GFRA2: variants seen among roughly 807,000 people sequenced by gnomAD.
GFRA2 encodes the protein GDNF family receptor alpha 2.
Under a neutral mutation model 48.3 loss-of-function variants are expected in GFRA2, and 17 were observed. The observed-to-expected ratio is 0.35, with a 90% CI of 0.24 to 0.53. GFRA2 has a LOEUF of 0.53. Among genes scored for constraint, GFRA2 ranks in the 20% least tolerant of loss-of-function variants. The pLI is 0.93. For synonymous variants in GFRA2, 305 were observed against 257.2 expected (o/e 1.19, Z -1.78); for missense variants, 660 against 637.3 (o/e 1.04, Z -0.38).
intron 4 of GFRA2, among the ~76,000 whole-genome samples, chr8:21,736,563 A>T (rs1427014051): frequency 6.6e-6 from 1 of 152,024 alleles, no homozygotes; most frequent in Non-Finnish European, 1.5e-5. Flanking sequence ...TGGCAAGATC[A>T]TAGCTCACAG....
chr8:21,706,533 G>A, intron 4 of GFRA2: 1 of 430,572 alleles, frequency 2.3e-6, no homozygotes. Flanking sequence ...GAGGGTCAAG[G>A]AAGCCAGTGG....
intron 2 of GFRA2, among the ~76,000 whole-genome samples, chr8:21,775,996 TGTG>T (rs1806681153): frequency 1.4e-5 from 1 of 72,900 alleles, no homozygotes; most frequent in Non-Finnish European, 2.6e-5. Flanking sequence ...CCTCTGTGTG[TGTG>T]TGTGTGTGTG....
chr8:21,704,448 C>A (rs555841456), intron 6 of GFRA2, among the ~76,000 whole-genome samples: 4 of 152,148 alleles, frequency 2.6e-5, no homozygotes, highest in Admixed American at 6.5e-5. Flanking sequence ...GAGGGAGGAA[C>A]AGAAGGATGG....
chr8:21,788,459 G>C lies in GFRA2; in HGVS notation c.-300C>G. 8.8e-7 allele frequency: 1 copy of C among 1,135,436 alleles called. No individual in the cohort carries two copies. Among genetic ancestry groups the C allele is most frequent in the South Asian group, 3.7e-5 (1 of 27,028 alleles). The allele number at this position is 1,135,436 out of a possible 1,614,324, so 70.3% of individuals were successfully genotyped here. ...AGCCAACAGCCCAGTCCTGGGGTCA[G>C]CCCTCCCCTCCAATCGTCCGGGAAG... On this transcript the variant is annotated 5_prime_UTR_variant, in exon 1 of 9. Coordinates refer to ENST00000524240, the MANE Select transcript of GFRA2 (RefSeq NM_001495.5).
intron 4 of GFRA2, among the ~76,000 whole-genome samples, chr8:21,749,764 G>A (rs1215464015): frequency 1.3e-5 from 2 of 151,342 alleles, no homozygotes; most frequent in East Asian, 2.0e-4. Flanking sequence ...GGAGTCGGAC[G>A]GTCCTAGCTT....
chr8:21,737,867 C>G (rs567225965), intron 4 of GFRA2, among the ~76,000 whole-genome samples: 1 of 152,148 alleles, frequency 6.6e-6, no homozygotes, highest in African/African-American at 2.4e-5. Flanking sequence ...GTGGTTCACA[C>G]GGGTGAGCCC....
chr8:21,804,200 GCACACACACACACA>G (rs146613602), intron 2 of GFRA2, among the ~76,000 whole-genome samples: 2 of 145,048 alleles, frequency 1.4e-5, no homozygotes, highest in African/African-American at 2.5e-5. Context: ...ATACATACAT[GCACACACACACACA>G]CACACACACA....
intron 4 of GFRA2, among the ~76,000 whole-genome samples, chr8:21,731,935 G>C (rs1804216659): frequency 6.6e-6 from 1 of 152,240 alleles, no homozygotes; most frequent in African/African-American, 2.4e-5. Context: ...AGTTCACCCA[G>C]AGTCAAGAAT....
At chr8:21,762,543 G>A (rs1208875309) in intron 3 of GFRA2, among the ~76,000 whole-genome samples, 1 of 152,204 alleles carries the variant, frequency 6.6e-6, no homozygotes, top group Non-Finnish European at 1.5e-5. Flanking sequence ...ATTTTTGGAA[G>A]CAGGCTAACC....
chr8:21,691,994 C>T lies in GFRA2; in HGVS notation c.*1284G>A, dbSNP rs934247336. On this transcript the variant is annotated 3_prime_UTR_variant, in exon 9 of 9. Transcript: ENST00000524240. ...CCAAGAACAAAATGGGGGCAAAACC[C>T]CACGGGACCGAGGCAGAGGCAGCTT... 1 of 152,634 alleles carries T rather than the reference C, an allele frequency of 6.6e-6. No individual in the cohort carries two copies. The highest frequency in any genetic ancestry group is 2.4e-5 in the African/African-American group (1 of 41,444). 9.5% of individuals were successfully genotyped at this position (152,634 alleles called of 1,614,324 possible).
At position 21,693,767 on chromosome 8, in the gene GFRA2, G is replaced by GAGGAGA. The variant is rs1801993113; in HGVS notation, c.1273-373_1273-368dup. The stretch of plus-strand genomic sequence containing the variant: ...AAGAAGGAGGAGAGAAGAAGAAGGA[G>GAGGAGA]AGGAGAGAGGAAGGAGAGGGGAAGG... On this transcript the variant is annotated intron_variant, in intron 8 of 8. Coordinates refer to ENST00000524240, the MANE Select transcript of GFRA2 (RefSeq NM_001495.5). Among the ~76,000 whole-genome samples the GAGGAGA allele has an allele frequency of 6.1e-3, 6 of 976 alleles. No individual in the cohort carries two copies. In the South Asian group the frequency reaches 0.19, roughly 31 times the overall value. The allele number at this position is 976 out of a possible 152,430, so 0.6% of individuals were successfully genotyped here.
At chr8:21,704,945 G>A (rs766728639) in intron 6 of GFRA2, 40 bp downstream of exon 6, 3 of 1,511,440 alleles carry the variant, frequency 2.0e-6, no homozygotes, top group South Asian at 1.2e-5. Context: ...AGGAGGGGTG[G>A]GAGGGGCTGC....
chr8:21,696,751 T>C (rs753302148), intron 7 of GFRA2, among the ~76,000 whole-genome samples: 3 of 151,404 alleles, frequency 2.0e-5, no homozygotes, highest in Non-Finnish European at 4.4e-5. Context: ...TTAAATAGGA[T>C]AGAGTGGAGG....
At chr8:21,705,271 A>G (rs1802684658) in intron 5 of GFRA2, 146 bp from the exon 6 acceptor site, 3 of 731,566 alleles carry the variant, frequency 4.1e-6, no homozygotes, top group East Asian at 5.5e-5. Flanking sequence ...TCCCAATCGC[A>G]CTCCTAACTC....
chr8:21,770,799 CA>C (rs1806401225), intron 3 of GFRA2, among the ~76,000 whole-genome samples: 1 of 152,174 alleles, frequency 6.6e-6, no homozygotes, highest in Non-Finnish European at 1.5e-5. Context: ...GATGTCCACC[CA>C]CTTCTCTCTA....
intron 3 of GFRA2, among the ~76,000 whole-genome samples, chr8:21,765,204 C>G (rs927073138): frequency 2.0e-5 from 3 of 152,080 alleles, no homozygotes; most frequent in African/African-American, 7.2e-5. Flanking sequence ...CTTGACCTCA[C>G]GGGCTCAAGC....
Position 21,780,235 on chromosome 8 carries a change from G to A in GFRA2, c.355+2350C>T, listed in dbSNP as rs1047447373. On this transcript the variant is annotated intron_variant, in intron 2 of 8. Coordinates refer to ENST00000524240, the MANE Select transcript of GFRA2 (RefSeq NM_001495.5). ...CGGGGAAAGGTCTCCTGCCCCATAC[G>A]ATGGCCGATGGCCGGCACGGGGAGC... Among the ~76,000 whole-genome samples the A allele has an allele frequency of 1.2e-4, 19 of 152,048 alleles. 1 individual carries two copies. The highest frequency in any genetic ancestry group is 3.9e-4 in the East Asian group (2 of 5,132).
chr8:21,747,164 A>T (rs1159455925), intron 4 of GFRA2, among the ~76,000 whole-genome samples: 1 of 152,196 alleles, frequency 6.6e-6, no homozygotes. Flanking sequence ...GGTCTGCTCC[A>T]TCATTCCACG....
chr8:21,811,573 GC>G (rs1467857725), intron 1 of GFRA2, among the ~76,000 whole-genome samples: 14 of 152,110 alleles, frequency 9.2e-5, no homozygotes, highest in African/African-American at 3.1e-4. Context: ...AACAGTCTCG[GC>G]TTGAGCTTTA....
Sources: allele counts gnomAD v4.1 joint callset (sites outside exome capture counted in the v4.1 genomes callset), GRCh38; gene constraint gnomAD v4.1.1; transcripts MANE v1.5; gene names NCBI Gene and HGNC (gene_info 2026-07-23, HGNC 2026-07-21).